SP100: variants seen among roughly 807,000 people sequenced by gnomAD.
The protein encoded by SP100 is SP100 nuclear body protein, also known as nuclear autoantigen Sp-100.
In SP100, 84 loss-of-function variants were observed where a neutral mutation model predicts 130.0. The ratio of observed to expected loss-of-function variants is 0.65; its 90% CI spans 0.54 to 0.77. The LOEUF (loss-of-function observed/expected upper bound fraction) is 0.77, where lower values mean the gene tolerates loss of function less well. Ranked by LOEUF, SP100 falls within the 30% of genes least tolerant of loss-of-function variation. The pLI, the probability that SP100 is intolerant of heterozygous loss-of-function variation, is 0.00. For synonymous variants in SP100, 331 were observed against 351.7 expected (o/e 0.94, Z 0.66); for missense variants, 978 against 1,052.2 (o/e 0.93, Z 0.97).
chr2:230,536,290 A>G (rs900492324), intron 24 of SP100, among the ~76,000 whole-genome samples: 2 of 152,184 alleles, frequency 1.3e-5, no homozygotes, highest in African/African-American at 4.8e-5. Flanking sequence ...TCAGCATGAA[A>G]CAGCCAGAAA....
Position 230,449,666 on chromosome 2 carries a change from G to C in SP100, c.692G>C (p.Ser231Thr), listed in dbSNP as rs780690224. 1 of 1,614,164 alleles carries C rather than the reference G, an allele frequency of 6.2e-7. No individual in the cohort carries two copies. Among genetic ancestry groups the C allele is most frequent in the Non-Finnish European group, 8.5e-7 (1 of 1,180,020 alleles). Residue 231 changes from serine to threonine, a missense_variant, in exon 7 of 29, where the codon AGC (serine) becomes ACC (threonine). Transcript: ENST00000340126. ...TTSDKDDSLG[S>T]QQTNEQCAQK... ...AGTGACAAAGATGATTCGCTAGGAAGCCAACAAACAAATGAACAATGTGCT... is the reference window on the plus strand; with the variant it reads ...AGTGACAAAGATGATTCGCTAGGAACCCAACAAACAAATGAACAATGTGCT...
intron 8 of SP100, among the ~76,000 whole-genome samples, chr2:230,459,962 C>T (rs181150328): frequency 1.3e-5 from 2 of 152,316 alleles, no homozygotes; most frequent in South Asian, 2.1e-4. Context: ...GCGCGTTCCC[C>T]GTCACCCACC....
rs1458957724 is a variant in SP100 at position 230,544,232 on chromosome 2, G to A, written c.*1286G>A. ...AATACCATCCTGGACATAGGAACAG[G>A]CAAAGATTTCATGATAAAGACAAAA... On this transcript the variant is annotated 3_prime_UTR_variant, in exon 29 of 29. Coordinates refer to ENST00000340126, the MANE Select transcript of SP100 (RefSeq NM_001080391.2). The A allele has an allele frequency of 1.3e-5, 2 of 152,066 alleles. No individual in the cohort carries two copies. The highest frequency in any genetic ancestry group is 2.9e-5 in the Non-Finnish European group (2 of 68,008). The allele number at this position is 152,066 out of a possible 1,614,324, so 9.4% of individuals were successfully genotyped here.
At chr2:230,533,421 T>C (rs1487728129) in intron 24 of SP100, among the ~76,000 whole-genome samples, 1 of 152,206 alleles carries the variant, frequency 6.6e-6, no homozygotes, top group Non-Finnish European at 1.5e-5. Flanking sequence ...GGACACTAAA[T>C]CACAGTGTTT....
chr2:230,418,678 C>G (rs1469711065), intron 2 of SP100, among the ~76,000 whole-genome samples: 3 of 151,510 alleles, frequency 2.0e-5, no homozygotes, highest in Non-Finnish European at 4.4e-5. Context: ...TGTTTTGATT[C>G]TTATCAATTT....
chr2:230,438,946 T>C (rs994988123), intron 2 of SP100, among the ~76,000 whole-genome samples: 1 of 152,214 alleles, frequency 6.6e-6, no homozygotes, highest in Non-Finnish European at 1.5e-5. Context: ...CCACAGCAGT[T>C]GTAATAGTTT....
At chr2:230,444,479 A>G (rs993144490) in intron 4 of SP100, 133 bp downstream of exon 4, 18 of 697,750 alleles carry the variant, frequency 2.6e-5, no homozygotes, top group Middle Eastern at 3.5e-4. Flanking sequence ...TAGACATGCC[A>G]TGAGTCTTCT....
intron 2 of SP100, among the ~76,000 whole-genome samples, chr2:230,418,158 C>G (rs1313280387): frequency 6.6e-6 from 1 of 152,158 alleles, no homozygotes; most frequent in East Asian, 1.9e-4. Flanking sequence ...GCCACTTTAG[C>G]CTTCACAGCT....
intron 17 of SP100, among the ~76,000 whole-genome samples, chr2:230,477,938 AC>A (rs1385011862): frequency 1.5e-5 from 2 of 136,664 alleles, no homozygotes; most frequent in Non-Finnish European, 1.6e-5. Context: ...CTGTCTCAAA[AC>A]AAAACAAACA....
chr2:230,533,560 A>C (rs1246442661), intron 24 of SP100, among the ~76,000 whole-genome samples: 1 of 152,190 alleles, frequency 6.6e-6, no homozygotes, highest in Non-Finnish European at 1.5e-5. Flanking sequence ...CTAAATCTTG[A>C]ACATTACCCT....
chr2:230,471,959 C>CT (rs2065282328), intron 15 of SP100, among the ~76,000 whole-genome samples: 7 of 152,122 alleles, frequency 4.6e-5, no homozygotes, highest in Admixed American at 4.6e-4. Context: ...GATTGATTGA[C>CT]AGCCTTGCAA....
Position 230,543,111 on chromosome 2 carries a change from C to G in SP100, c.*165C>G. On this transcript the variant is annotated 3_prime_UTR_variant, in exon 29 of 29. Transcript: ENST00000340126. ...TTTCAGCTTTCAATAAAATTCAACACCCCTTCATGTTAAAAATTCTCAATA... is the reference window on the plus strand; with the variant it reads ...TTTCAGCTTTCAATAAAATTCAACAGCCCTTCATGTTAAAAATTCTCAATA... The G allele has an allele frequency of 2.0e-6, 1 of 500,288 alleles. No individual in the cohort carries two copies. The highest frequency in any genetic ancestry group is 3.3e-5 in the East Asian group (1 of 30,722). The allele number at this position is 500,288 out of a possible 1,614,324, so 31.0% of individuals were successfully genotyped here.
chr2:230,466,679 C>G (rs1371632080), intron 12 of SP100, among the ~76,000 whole-genome samples: 1 of 152,126 alleles, frequency 6.6e-6, no homozygotes, highest in African/African-American at 2.4e-5. Context: ...CTGTTTCAAG[C>G]AGTTCTTCAG....
intron 24 of SP100, 140 bp downstream of exon 24, chr2:230,511,306 G>A (rs770260748): frequency 5.7e-6 from 4 of 695,988 alleles, no homozygotes; most frequent in Non-Finnish European, 7.9e-6. Context: ...ATGCAAGCCA[G>A]GTACCTGGGT....
rs998064421 is a variant in SP100, at chr2:230,498,427, C to T, written c.1646-34C>T. 6 of 1,326,786 alleles carry T rather than the reference C, an allele frequency of 4.5e-6. No homozygotes were observed. In the African/African-American group the frequency reaches 7.7e-5, roughly 17 times the overall value. 82.2% of individuals were successfully genotyped at this position (1,326,786 alleles called of 1,614,324 possible). On this transcript the variant is annotated intron_variant, in intron 18 of 28. Transcript: ENST00000340126. Reference sequence around the variant, plus strand: ...TATTATATATAATGTGAGTTTTTTACACCATCCATATTTATATTTTCCTAT... The same window carrying T: ...TATTATATATAATGTGAGTTTTTTATACCATCCATATTTATATTTTCCTAT...
intron 15 of SP100, among the ~76,000 whole-genome samples, chr2:230,472,383 G>A (rs534778053): frequency 1.8e-4 from 24 of 132,112 alleles, no homozygotes; most frequent in African/African-American, 5.9e-4. Context: ...AACCAAGATC[G>A]CACCACTGCA....
chr2:230,522,741 G>A (rs1242792381), intron 24 of SP100, among the ~76,000 whole-genome samples: 1 of 151,770 alleles, frequency 6.6e-6, no homozygotes, highest in Non-Finnish European at 1.5e-5. Context: ...GCCTGCCTCG[G>A]CCTCCCAAAG....
At chr2:230,473,142 A>C in intron 15 of SP100, 182 bp from the exon 16 acceptor site, 1 of 484,954 alleles carries the variant, frequency 2.1e-6, no homozygotes, top group Non-Finnish European at 3.7e-6. Flanking sequence ...TGAAATTCTC[A>C]GGGTTATTTA....
chr2:230,439,555 T>C (rs1257316038), intron 2 of SP100, among the ~76,000 whole-genome samples: 1 of 151,892 alleles, frequency 6.6e-6, no homozygotes, highest in Non-Finnish European at 1.5e-5. Context: ...GGATTTTTGT[T>C]GTTGTTGTTG....
Sources: gnomAD v4.1 joint callset for allele counts (sites outside exome capture counted in the v4.1 genomes callset) on GRCh38, gnomAD v4.1.1 for gene constraint, MANE v1.5 for transcripts, NCBI Gene and HGNC (gene_info 2026-07-23, HGNC 2026-07-21) for gene names.